Variants in TRAPPC9 observed in about 807,000 individuals in gnomAD.
TRAPPC9 encodes IKK2 binding protein.
In TRAPPC9, 83 loss-of-function variants were observed where a neutral mutation model predicts 124.0. The ratio of observed to expected loss-of-function variants is 0.67; its 90% CI spans 0.56 to 0.80. TRAPPC9 has a LOEUF of 0.80. Ranked by LOEUF, TRAPPC9 falls within the 30% of genes least tolerant of loss-of-function variation. The pLI is 0.00. For missense variants in TRAPPC9, 1,302 were observed against 1,508.3 expected (o/e 0.86, Z 2.27); for synonymous variants, 638 against 617.5 (o/e 1.03, Z -0.49).
intron 17 of TRAPPC9, among the ~76,000 whole-genome samples, chr8:140,085,237 G>A (rs999104886): frequency 1.3e-5 from 2 of 151,526 alleles, no homozygotes; most frequent in African/African-American, 2.4e-5. Context: ...AAGGCTCCAC[G>A]AGCCCACACG....
chr8:140,224,920 G>C (rs186687787), intron 16 of TRAPPC9, among the ~76,000 whole-genome samples: 104 of 152,254 alleles, frequency 6.8e-4, no homozygotes, highest in African/African-American at 2.4e-3. Flanking sequence ...AGATCAGAGG[G>C]GTCGGGGCTG....
At chr8:139,851,759 C>T (rs191230636) in intron 21 of TRAPPC9, among the ~76,000 whole-genome samples, 9 of 152,348 alleles carry the variant, frequency 5.9e-5, no homozygotes, top group African/African-American at 2.2e-4. Context: ...GCATACAGTA[C>T]TTGCTGTTAA....
At chr8:140,443,392 C>T (rs886110502) in intron 2 of TRAPPC9, among the ~76,000 whole-genome samples, 27 of 151,046 alleles carry the variant, frequency 1.8e-4, no homozygotes, top group African/African-American at 2.7e-4. Context: ...GCCAAGATCG[C>T]GCCACTGCAC....
upstream of TRAPPC9, chr8:140,458,528 T>A: frequency 6.3e-7 from 1 of 1,583,414 alleles, no homozygotes; most frequent in Non-Finnish European, 8.6e-7. Flanking sequence ...GGCTTCCCCC[T>A]GTGTGGCGCG....
At chr8:140,225,178 T>C (rs1378474873) in intron 16 of TRAPPC9, among the ~76,000 whole-genome samples, 2 of 152,232 alleles carry the variant, frequency 1.3e-5, no homozygotes, top group East Asian at 1.9e-4. Flanking sequence ...CATTCCTTCA[T>C]GACTACAAAC....
At position 140,265,126 on chromosome 8, in the gene TRAPPC9, G is replaced by A. The variant is rs140760721; in HGVS notation, c.2278+10532C>T. Among the ~76,000 whole-genome samples the A allele has an allele frequency of 1.5e-3, 233 of 152,272 alleles. 5 individuals carry two copies. The East Asian group carries it at 0.041, about 27-fold the overall frequency. ...GAGGAAAACCACACAGAAACCAGGA[G>A]GGCAACAGGCCGGCCTATTCCACAT... On this transcript the variant is annotated intron_variant, in intron 15 of 22. Transcript: ENST00000438773.
At position 140,207,923 on chromosome 8, in the gene TRAPPC9, G is replaced by A. The variant is rs545064786; in HGVS notation, c.2556+13536C>T. 6.6e-5 allele frequency among the ~76,000 whole-genome samples: 10 copies of A among 152,262 alleles called. No homozygotes were observed. In the East Asian group the frequency reaches 9.7e-4, roughly 15 times the overall value. On this transcript the variant is annotated intron_variant, in intron 17 of 22. Coordinates refer to ENST00000438773, the MANE Select transcript of TRAPPC9 (RefSeq NM_001160372.4). ...TCCCAGCACTTTGGGAGGCCAAGGC[G>A]GGAGGATCACGTGAGGTCAGGAGTT...
At chr8:140,224,682 C>G (rs1393845990) in intron 16 of TRAPPC9, among the ~76,000 whole-genome samples, 1 of 152,170 alleles carries the variant, frequency 6.6e-6, no homozygotes, top group Non-Finnish European at 1.5e-5. Flanking sequence ...GTTCTACCCC[C>G]ATTTTTTTTT....
intron 19 of TRAPPC9, among the ~76,000 whole-genome samples, chr8:139,959,494 T>A (rs1835232569): frequency 1.3e-5 from 2 of 152,216 alleles, no homozygotes. Flanking sequence ...GAGGTGAAGC[T>A]GAGCCGTGGA....
chr8:139,839,224 C>A (rs1334518920), intron 21 of TRAPPC9, among the ~76,000 whole-genome samples: 3 of 152,244 alleles, frequency 2.0e-5, no homozygotes, highest in African/African-American at 4.8e-5. Flanking sequence ...TGAGCACCTG[C>A]CACGCTAGAC....
intron 18 of TRAPPC9, among the ~76,000 whole-genome samples, chr8:139,992,717 G>T (rs1297463098): frequency 6.6e-6 from 1 of 150,596 alleles, no homozygotes; most frequent in Non-Finnish European, 1.5e-5. Context: ...CAGTGACAGA[G>T]AAATACATTA....
chr8:139,850,158 T>C lies in TRAPPC9; in HGVS notation c.3055+35721A>G, dbSNP rs188507344. The stretch of plus-strand genomic sequence containing the variant: ...CTCTGATATCTGTTTTCTCACCTCA[T>C]ACATATGACAAATGGGTATGAGGGA... On this transcript the variant is annotated intron_variant, in intron 21 of 22. Coordinates refer to ENST00000438773, the MANE Select transcript of TRAPPC9 (RefSeq NM_001160372.4). 1.2e-3 allele frequency among the ~76,000 whole-genome samples: 188 copies of C among 152,322 alleles called. 2 individuals are homozygous for C. The highest frequency in any genetic ancestry group is 4.3e-3 in the African/African-American group (177 of 41,570).
At chr8:139,974,157 T>C (rs1466954143) in intron 19 of TRAPPC9, among the ~76,000 whole-genome samples, 1 of 152,114 alleles carries the variant, frequency 6.6e-6, no homozygotes, top group Non-Finnish European at 1.5e-5. Flanking sequence ...GAAAGATGGA[T>C]GGGGAATCTG....
chr8:139,997,530 TGCATCCTACACAGAAGAGACAAC>T (rs1267199224), intron 18 of TRAPPC9, among the ~76,000 whole-genome samples: 1 of 113,904 alleles, frequency 8.8e-6, no homozygotes, highest in East Asian at 3.1e-4. Flanking sequence ...GGGGAGACAA[TGCATCCTACACAGAAGAGACAAC>T]GCATCCTACC....
chr8:140,170,141 T>C (rs1338811189), intron 17 of TRAPPC9, among the ~76,000 whole-genome samples: 1 of 152,210 alleles, frequency 6.6e-6, no homozygotes, highest in Non-Finnish European at 1.5e-5. Context: ...AGAAGCCCTA[T>C]CAGGATGCTC....
chr8:140,308,255 G>A (rs1474320777), intron 10 of TRAPPC9, among the ~76,000 whole-genome samples: 1 of 151,660 alleles, frequency 6.6e-6, no homozygotes, highest in Non-Finnish European at 1.5e-5. Flanking sequence ...TGGAGACAGG[G>A]CAGGCCACAG....
At chr8:139,822,338 C>T (rs1825307997) in intron 21 of TRAPPC9, among the ~76,000 whole-genome samples, 1 of 152,196 alleles carries the variant, frequency 6.6e-6, no homozygotes, top group Admixed American at 6.5e-5. Flanking sequence ...ATCTCCACAG[C>T]CTTCTAAGGC....
intron 20 of TRAPPC9, among the ~76,000 whole-genome samples, chr8:139,902,379 G>A (rs1301786672): frequency 3.3e-5 from 5 of 152,300 alleles, no homozygotes; most frequent in African/African-American, 4.8e-5. Flanking sequence ...GTGATGTGAC[G>A]GCCTCGCTGG....
At chr8:140,134,486 G>A (rs940412579) in intron 17 of TRAPPC9, among the ~76,000 whole-genome samples, 16 of 152,192 alleles carry the variant, frequency 1.1e-4, no homozygotes, top group South Asian at 2.1e-4. Context: ...GGCTGGTCTC[G>A]AACTCCTGAC....
Sources: gnomAD v4.1 joint callset for allele counts (sites outside exome capture counted in the v4.1 genomes callset) on GRCh38, gnomAD v4.1.1 for gene constraint, MANE v1.5 for transcripts, NCBI Gene and HGNC (gene_info 2026-07-23, HGNC 2026-07-21) for gene names.